The following RBPMS variants were observed in gnomAD, a reference collection of about 807,000 sequenced individuals.
RBPMS encodes the protein RNA-binding protein with multiple splicing.
RBPMS carries 7 observed loss-of-function variants against 26.8 expected under a neutral mutation model. The ratio of observed to expected loss-of-function variants is 0.26; its 90% CI spans 0.15 to 0.49. RBPMS has a LOEUF of 0.49. RBPMS is among the 20% of genes least tolerant of loss of function. The pLI is 0.98. For missense variants in RBPMS, 186 were observed against 250.0 expected (o/e 0.74, Z 1.73); for synonymous variants, 96 against 93.3 (o/e 1.03, Z -0.17).
chr8:30,445,534 C>T (rs962290873), intron 1 of RBPMS, among the ~76,000 whole-genome samples: 1 of 151,526 alleles, frequency 6.6e-6, no homozygotes, highest in Non-Finnish European at 1.5e-5. Context: ...TAAAAATTCT[C>T]TGTAGATGGA....
intron 6 of RBPMS, chr8:30,549,666 C>T (rs934733840): frequency 8.5e-6 from 9 of 1,053,050 alleles, no homozygotes; most frequent in Admixed American, 5.3e-5. Flanking sequence ...GCTCACAGCG[C>T]CAGCCTCCTG....
intron 1 of RBPMS, among the ~76,000 whole-genome samples, chr8:30,453,248 T>C (rs1400002304): frequency 1.3e-5 from 2 of 152,218 alleles, no homozygotes; most frequent in Non-Finnish European, 1.5e-5. Context: ...TCTTGTAATA[T>C]GATCTGTGTA....
At chr8:30,428,180 C>T (rs1001584991) in intron 1 of RBPMS, among the ~76,000 whole-genome samples, 1 of 151,936 alleles carries the variant, frequency 6.6e-6, no homozygotes, top group Non-Finnish European at 1.5e-5. Context: ...CACACCACCA[C>T]GCCCAGCTAA....
Position 30,513,090 on chromosome 8 carries a change from G to A in RBPMS, c.397+8654G>A, listed in dbSNP as rs543378351. 3.3e-5 allele frequency among the ~76,000 whole-genome samples: 5 copies of A among 152,038 alleles called. No homozygotes were observed. In the East Asian group the frequency reaches 9.8e-4, roughly 30 times the overall value. ...TTTCTTGCCTCCAGTCTTTGCTGGT[G>A]AGGGATAGGAGTCTCAGTGTGAAGA... is the stretch of plus-strand genomic sequence containing the variant. On this transcript the variant is annotated intron_variant, in intron 5 of 8. Transcript: ENST00000397323.
intron 5 of RBPMS, among the ~76,000 whole-genome samples, chr8:30,538,722 C>A (rs796458725): frequency 4.6e-5 from 7 of 152,156 alleles, no homozygotes; most frequent in African/African-American, 1.7e-4. Flanking sequence ...TCTGAAATCA[C>A]GGTGTCAGCA....
rs145996898 is a variant in RBPMS, at chr8:30,474,701, T to C, written c.67-78T>C. 4.0e-4 allele frequency: 320 copies of C among 792,722 alleles called. No homozygotes were observed. In the East Asian group the frequency reaches 7.2e-3, roughly 18 times the overall value. The allele number at this position is 792,722 out of a possible 1,614,324, so 49.1% of individuals were successfully genotyped here. ...GAGTTGTGGAATATTTGGAATAATA[T>C]GTTTCTGAGATATCAGGTGAGAGTT... is the stretch of plus-strand genomic sequence containing the variant. On this transcript the variant is annotated intron_variant, in intron 1 of 8. Coordinates refer to ENST00000397323, the MANE Select transcript of RBPMS (RefSeq NM_001008710.3).
At chr8:30,427,487 C>A (rs1367909406) in intron 1 of RBPMS, among the ~76,000 whole-genome samples, 1 of 152,196 alleles carries the variant, frequency 6.6e-6, no homozygotes, top group Non-Finnish European at 1.5e-5. Context: ...TCCATTCTTC[C>A]TCCACTACAG....
intron 1 of RBPMS, among the ~76,000 whole-genome samples, chr8:30,425,168 G>A (rs1231371885): frequency 6.6e-6 from 1 of 151,990 alleles, no homozygotes; most frequent in Non-Finnish European, 1.5e-5. Context: ...TGTTGCCCAG[G>A]CTGGTCTCAA....
chr8:30,539,896 G>T (rs988225423), intron 5 of RBPMS, among the ~76,000 whole-genome samples: 2 of 152,164 alleles, frequency 1.3e-5, no homozygotes, highest in Non-Finnish European at 2.9e-5. Flanking sequence ...AAAGTGCTGG[G>T]ATTACAGGCG....
At chr8:30,549,809 T>TCCCCCCTCTC (rs766646710) in intron 6 of RBPMS, among the ~76,000 whole-genome samples, 1 of 92,552 alleles carries the variant, frequency 1.1e-5, no homozygotes, top group Non-Finnish European at 2.2e-5. Flanking sequence ...CTCTCTCCTC[T>TCCCCCCTCTC]CTCTCTCTCT....
At chr8:30,518,698 T>TG (rs755724962) in intron 5 of RBPMS, among the ~76,000 whole-genome samples, 2 of 129,238 alleles carry the variant, frequency 1.5e-5, no homozygotes, top group Non-Finnish European at 3.3e-5. Context: ...TTTTTTTTTT[T>TG]TTTTTTTTTT....
At chr8:30,449,185 CAAA>C (rs1296793827) in intron 1 of RBPMS, among the ~76,000 whole-genome samples, 1 of 151,966 alleles carries the variant, frequency 6.6e-6, no homozygotes, top group East Asian at 1.9e-4. Context: ...AGAAAAGAAA[CAAA>C]AAGGAAAACT....
intron 1 of RBPMS, among the ~76,000 whole-genome samples, chr8:30,392,258 A>G (rs911530289): frequency 2.6e-5 from 4 of 152,182 alleles, no homozygotes; most frequent in African/African-American, 9.6e-5. Flanking sequence ...GTATGAGCTA[A>G]ATCTCAGTTA....
intron 5 of RBPMS, among the ~76,000 whole-genome samples, chr8:30,523,309 G>A (rs921547458): frequency 2.0e-5 from 3 of 151,646 alleles, no homozygotes; most frequent in African/African-American, 4.8e-5. Context: ...CCCGAGAGGC[G>A]GAGGTTGCAG....
chr8:30,426,619 C>A (rs982805837), intron 1 of RBPMS, among the ~76,000 whole-genome samples: 1 of 151,314 alleles, frequency 6.6e-6, no homozygotes, highest in African/African-American at 2.4e-5. Flanking sequence ...GTCGTAGTTT[C>A]TAAAAGTCAA....
At position 30,529,831 on chromosome 8, in the gene RBPMS, G is replaced by GGCT. The variant is rs1824018464; in HGVS notation, c.398-14663_398-14662insGCT. On this transcript the variant is annotated intron_variant, in intron 5 of 8. Transcript: ENST00000397323. ...TGCAATGGCATGATCTCGGCTCACC[G>GGCT]CATCCTTTGCTTTCCAGGTTCAAGC... Among the ~76,000 whole-genome samples the GGCT allele has an allele frequency of 1.7e-4, 26 of 149,640 alleles. 1 individual carries two copies. The Admixed American group carries it at 1.7e-3, about 10-fold the overall frequency.
At chr8:30,556,983 T>C (rs149196462) in intron 6 of RBPMS, among the ~76,000 whole-genome samples, 313 of 152,304 alleles carry the variant, frequency 2.1e-3, no homozygotes, top group African/African-American at 7.4e-3. Context: ...GAAAAGTTTC[T>C]GACCCTTGTC....
intron 4 of RBPMS, among the ~76,000 whole-genome samples, chr8:30,484,240 C>G (rs571469707): frequency 6.6e-6 from 1 of 152,154 alleles, no homozygotes; most frequent in Admixed American, 6.5e-5. Flanking sequence ...CTAGTAGATA[C>G]GAAGCAATCG....
intron 6 of RBPMS, among the ~76,000 whole-genome samples, chr8:30,546,830 T>C (rs754198875): frequency 3.3e-5 from 5 of 152,188 alleles, no homozygotes; most frequent in Non-Finnish European, 7.3e-5. Flanking sequence ...GTCTGACCCA[T>C]TTTACAGATG....
Sources: gnomAD v4.1 joint callset for allele counts (sites outside exome capture counted in the v4.1 genomes callset) on GRCh38, gnomAD v4.1.1 for gene constraint, MANE v1.5 for transcripts, NCBI Gene and HGNC (gene_info 2026-07-23, HGNC 2026-07-21) for gene names.